The following CNTRL variants were observed in gnomAD, a reference collection of about 807,000 sequenced individuals.
The protein encoded by CNTRL is centriolin.
Under a neutral mutation model 303.7 loss-of-function variants are expected in CNTRL, and 233 were observed. The ratio of observed to expected loss-of-function variants is 0.77; its 90% CI spans 0.69 to 0.86. The LOEUF is 0.86. Among genes scored for constraint, CNTRL ranks in the 40% least tolerant of loss-of-function variants. The pLI, the probability that CNTRL is intolerant of heterozygous loss-of-function variation, is 0.00. For synonymous variants in CNTRL, 900 were observed against 922.2 expected (o/e 0.98, Z 0.44); for missense variants, 2,524 against 2,650.6 (o/e 0.95, Z 1.05).
chr9:121,088,079 C>T (rs939704418), intron 2 of CNTRL, among the ~76,000 whole-genome samples: 2 of 152,184 alleles, frequency 1.3e-5, no homozygotes, highest in African/African-American at 4.8e-5. Context: ...CCAGCTGGAG[C>T]ATGTGTCAAT....
At chr9:121,174,827 C>T (rs570810721) in intron 42 of CNTRL, among the ~76,000 whole-genome samples, 191 bp from the exon 43 acceptor site, 5 of 152,252 alleles carry the variant, frequency 3.3e-5, no homozygotes, top group African/African-American at 1.2e-4. Flanking sequence ...AATGACAACA[C>T]AGAAAAGTAA....
chr9:121,171,701 AAATT>A (rs1410022720), intron 40 of CNTRL, 153 bp downstream of exon 40: 1 of 628,838 alleles, frequency 1.6e-6, no homozygotes, highest in African/African-American at 1.9e-5. Context: ...TTTAGCCTTA[AAATT>A]TAGAAACACA....
intron 4 of CNTRL, among the ~76,000 whole-genome samples, chr9:121,091,130 T>G (rs919425631): frequency 2.6e-5 from 4 of 152,200 alleles, no homozygotes; most frequent in Non-Finnish European, 5.9e-5. Context: ...AAGATGAGAT[T>G]TGGGTGGGGA....
chr9:121,166,039 A>G, intron 35 of CNTRL, 68 bp from the exon 36 acceptor site: 3 of 1,194,646 alleles, frequency 2.5e-6, no homozygotes, highest in Non-Finnish European at 2.4e-6. Flanking sequence ...CTTTTTGGGA[A>G]TGCTAATGGG....
chr9:121,133,119 C>T (rs2050966817), intron 14 of CNTRL, among the ~76,000 whole-genome samples: 1 of 152,258 alleles, frequency 6.6e-6, no homozygotes. Flanking sequence ...AGGAGGCAGT[C>T]TGTCCGTTCT....
intron 7 of CNTRL, among the ~76,000 whole-genome samples, chr9:121,100,421 A>C (rs1300706243): frequency 6.6e-6 from 1 of 152,256 alleles, no homozygotes; most frequent in Non-Finnish European, 1.5e-5. Context: ...CTAAACATGG[A>C]AAGGAACAAC....
chr9:121,078,640 G>A (rs1038124395), intron 1 of CNTRL, among the ~76,000 whole-genome samples: 3 of 152,166 alleles, frequency 2.0e-5, no homozygotes, highest in African/African-American at 7.2e-5. Context: ...CTGCCCCCAA[G>A]TTCTGATGCC....
chr9:121,153,306 C>G (rs2052386859), intron 26 of CNTRL, among the ~76,000 whole-genome samples: 1 of 152,210 alleles, frequency 6.6e-6, no homozygotes, highest in African/African-American at 2.4e-5. Flanking sequence ...CGACCCTTCT[C>G]CATCTGAAAT....
intron 34 of CNTRL, among the ~76,000 whole-genome samples, chr9:121,163,911 C>T (rs10985168): frequency 0.082 from 12,146 of 148,236 alleles, 1,156 homozygotes; most frequent in African/African-American, 0.22. Context: ...GTTGCCCAGG[C>T]TGGAGTGCAG....
At chr9:121,176,557 G>C (rs1343723871) in intron 43 of CNTRL, among the ~76,000 whole-genome samples, 1 of 152,238 alleles carries the variant, frequency 6.6e-6, no homozygotes, top group African/African-American at 2.4e-5. Context: ...GCCCAGAGTA[G>C]TGAGAGAAGA....
chr9:121,144,756 A>G (rs1329991577), intron 20 of CNTRL, 87 bp from the exon 21 acceptor site: 3 of 1,036,996 alleles, frequency 2.9e-6, no homozygotes, highest in Non-Finnish European at 4.5e-6. Context: ...CAATGTGATG[A>G]AAGCAGAAGA....
chr9:121,149,824 C>T (rs1168203237), intron 24 of CNTRL, among the ~76,000 whole-genome samples: 1 of 152,106 alleles, frequency 6.6e-6, no homozygotes, highest in Non-Finnish European at 1.5e-5. Context: ...GAGAGTGTTA[C>T]ATGTCATGAC....
intron 30 of CNTRL, chr9:121,158,466 A>C: frequency 4.4e-6 from 1 of 229,804 alleles, no homozygotes; most frequent in Non-Finnish European, 8.5e-6. Flanking sequence ...TTTTGTAAAC[A>C]AATACGTATT....
At chr9:121,106,316 G>A (rs952642987) in intron 7 of CNTRL, among the ~76,000 whole-genome samples, 5 of 147,144 alleles carry the variant, frequency 3.4e-5, no homozygotes, top group African/African-American at 1.3e-4. Context: ...TTCAGCCTGG[G>A]CGACAGAGCG....
intron 14 of CNTRL, among the ~76,000 whole-genome samples, chr9:121,127,019 C>T (rs2050568898): frequency 6.6e-6 from 1 of 152,058 alleles, no homozygotes; most frequent in Non-Finnish European, 1.5e-5. Context: ...GGGGTTTCTC[C>T]ATGTTGGTCA....
At chr9:121,126,180 G>A (rs965842087) in intron 14 of CNTRL, among the ~76,000 whole-genome samples, 1 of 151,906 alleles carries the variant, frequency 6.6e-6, no homozygotes, top group African/African-American at 2.4e-5. Context: ...TCCCTGAAAG[G>A]TATTGTTGCC....
rs1182929735 is a variant in CNTRL, at chr9:121,135,794, GA to G, written c.2026-10del. 2 of 1,597,704 alleles carry G rather than the reference GA, an allele frequency of 1.3e-6. No homozygotes were observed. Among genetic ancestry groups the G allele is most frequent in the Non-Finnish European group, 1.7e-6 (2 of 1,171,714 alleles). ...TGAGGGTTCCATAGTTAAACCCACT[GA>G]ATCTTTCTAGGAGCTTGCAGAGCTA... On this transcript the variant is annotated splice_polypyrimidine_tract_variant and intron_variant, in intron 14 of 43. Coordinates refer to ENST00000373855, the MANE Select transcript of CNTRL (RefSeq NM_007018.6).
At chr9:121,135,209 C>T (rs180859627) in intron 14 of CNTRL, among the ~76,000 whole-genome samples, 1 of 152,286 alleles carries the variant, frequency 6.6e-6, no homozygotes, top group African/African-American at 2.4e-5. Flanking sequence ...GTACTCTTAT[C>T]ATCCTTAATA....
chr9:121,100,639 A>G (rs1435026854), intron 7 of CNTRL, among the ~76,000 whole-genome samples: 5 of 152,244 alleles, frequency 3.3e-5, no homozygotes, highest in African/African-American at 1.2e-4. Flanking sequence ...GTCAAGACCC[A>G]TCTGTGTGCT....
Sources: allele counts gnomAD v4.1 joint callset (sites outside exome capture counted in the v4.1 genomes callset), GRCh38; gene constraint gnomAD v4.1.1; transcripts MANE v1.5; gene names NCBI Gene and HGNC (gene_info 2026-07-23, HGNC 2026-07-21).